The following FBLN7 variants were observed in gnomAD, a reference collection of about 807,000 sequenced individuals.
FBLN7 encodes fibulin 7.
FBLN7 carries 31 observed loss-of-function variants against 44.0 expected under a neutral mutation model. The ratio of observed to expected loss-of-function variants is 0.70; its 90% CI spans 0.53 to 0.95. FBLN7 has a LOEUF of 0.95. FBLN7 is among the 40% of genes least tolerant of loss of function. FBLN7 has a pLI of 0.00. For missense variants in FBLN7, 573 were observed against 618.5 expected (o/e 0.93, Z 0.78); for synonymous variants, 262 against 253.4 (o/e 1.03, Z -0.32).
intron 2 of FBLN7, among the ~76,000 whole-genome samples, chr2:112,162,174 C>T (rs1029300559): frequency 2.6e-5 from 4 of 152,084 alleles, no homozygotes; most frequent in African/African-American, 9.7e-5. Flanking sequence ...ACCACTGCAC[C>T]TGATTTTGAA....
chr2:112,151,462 T>C (rs1681157255), intron 1 of FBLN7: 1 of 152,136 alleles, frequency 6.6e-6, no homozygotes, highest in Admixed American at 6.5e-5. Flanking sequence ...TTTCGTAAAA[T>C]CTGTATTTCC....
chr2:112,214,785 A>G, the FBLN7 span: 1 of 152,240 alleles, frequency 6.6e-6, no homozygotes, highest in African/African-American at 2.4e-5. Flanking sequence ...TAACCCAGGT[A>G]GGAGAGACCC....
At chr2:112,216,051 A>C in the FBLN7 span, 3 of 152,092 alleles carry the variant, frequency 2.0e-5, no homozygotes, top group African/African-American at 7.2e-5. Flanking sequence ...AAGAGAACTA[A>C]CTCTGTTTTT....
At chr2:112,155,714 G>A (rs567662278) in intron 1 of FBLN7, among the ~76,000 whole-genome samples, 7 of 152,324 alleles carry the variant, frequency 4.6e-5, no homozygotes, top group South Asian at 2.1e-4. Flanking sequence ...AGCAGCTGGC[G>A]CCTGTTGCCC....
chr2:112,208,426 AAAAC>A, the FBLN7 span, among the ~76,000 whole-genome samples: 2 of 151,452 alleles, frequency 1.3e-5, no homozygotes, highest in African/African-American at 2.4e-5. Context: ...ACAAAACAAA[AAAAC>A]AAACAAACCA....
chr2:112,166,843 C>T (rs1210877641), intron 3 of FBLN7, among the ~76,000 whole-genome samples: 1 of 152,202 alleles, frequency 6.6e-6, no homozygotes, highest in Non-Finnish European at 1.5e-5. Context: ...TCCAGTGCCT[C>T]TGATAGCTGC....
chr2:112,160,399 C>T (rs1681696661), intron 2 of FBLN7, among the ~76,000 whole-genome samples: 1 of 152,174 alleles, frequency 6.6e-6, no homozygotes, highest in Non-Finnish European at 1.5e-5. Context: ...CACCCCTTTT[C>T]TTCTTCAGCC....
At chr2:112,207,286 G>GT in the FBLN7 span, among the ~76,000 whole-genome samples, 1 of 151,966 alleles carries the variant, frequency 6.6e-6, no homozygotes, top group African/African-American at 2.4e-5. Flanking sequence ...GGCCAACATG[G>GT]CAAAACCCTG....
chr2:112,231,618 T>G, the FBLN7 span, among the ~76,000 whole-genome samples: 1 of 152,188 alleles, frequency 6.6e-6, no homozygotes, highest in South Asian at 2.1e-4. Context: ...TTTACATCTT[T>G]CCAACTTAAA....
chr2:112,215,950 TTAA>T, the FBLN7 span: 8 of 152,300 alleles, frequency 5.3e-5, no homozygotes, highest in East Asian at 1.5e-3. Flanking sequence ...GGAAACTGGT[TTAA>T]AAAAATCATA....
chr2:112,178,023 G>A (rs539419454), intron 4 of FBLN7: 2 of 150,546 alleles, frequency 1.3e-5, no homozygotes, highest in East Asian at 3.9e-4. Flanking sequence ...AAAAAAAATA[G>A]CAGGGTGTGG....
At chr2:112,146,761 T>G (rs922965950) in intron 1 of FBLN7, among the ~76,000 whole-genome samples, 2 of 152,136 alleles carry the variant, frequency 1.3e-5, no homozygotes, top group African/African-American at 4.8e-5. Flanking sequence ...ATTAGAGCAG[T>G]TTTACTTCTT....
At chr2:112,177,202 C>T (rs1352736344) in intron 4 of FBLN7, 1 of 152,380 alleles carries the variant, frequency 6.6e-6, no homozygotes, top group Non-Finnish European at 1.5e-5. Flanking sequence ...TCCAAAAGTG[C>T]TGGGATTACA....
chr2:112,165,165 TG>T lies in FBLN7; in HGVS notation c.401del (p.Cys134LeufsTer19), dbSNP rs1682088649. 6.2e-7 allele frequency: 1 copy of T among 1,614,040 alleles called. No individual in the cohort carries two copies. ...CACCTGGACAGGGGAGCAGCCCCAC[TG>T]TAGAGGTATCGTCTCTCCTTCCCAT... ...NGTWTGEQPH[C>X]RGISECSSQP... On this transcript the variant is annotated frameshift_variant, in exon 3 of 8. Transcript: ENST00000331203. LOFTEE classifies it high-confidence loss of function.
At chr2:112,182,118 C>T in intron 5 of FBLN7, 1 of 532,938 alleles carries the variant, frequency 1.9e-6, no homozygotes, top group Non-Finnish European at 3.2e-6. Flanking sequence ...AAGCCACACG[C>T]GCTTGGTTCA....
intron 3 of FBLN7, among the ~76,000 whole-genome samples, chr2:112,171,815 T>C (rs1046313646): frequency 6.6e-5 from 10 of 152,188 alleles, no homozygotes; most frequent in African/African-American, 2.4e-4. Context: ...GGCACAATCT[T>C]GGCTCACTGC....
At chr2:112,140,226 C>T (rs1374537107) in intron 1 of FBLN7, among the ~76,000 whole-genome samples, 1 of 138,548 alleles carries the variant, frequency 7.2e-6, no homozygotes, top group Non-Finnish European at 1.6e-5. Flanking sequence ...CCTCTCTCCC[C>T]TGTCCCGCGC....
At chr2:112,217,359 T>A in the FBLN7 span, among the ~76,000 whole-genome samples, 1 of 151,522 alleles carries the variant, frequency 6.6e-6, no homozygotes, top group Non-Finnish European at 1.5e-5. Context: ...GGTGACTCCA[T>A]CTCAAAAAAA....
intron 2 of FBLN7, among the ~76,000 whole-genome samples, chr2:112,164,370 C>G (rs987778951): frequency 1.3e-5 from 2 of 152,188 alleles, no homozygotes; most frequent in African/African-American, 4.8e-5. Context: ...ATGGAGAGGA[C>G]TGACCGCATA....
Sources: gnomAD v4.1 joint callset for allele counts (sites outside exome capture counted in the v4.1 genomes callset) on GRCh38, gnomAD v4.1.1 for gene constraint, MANE v1.5 for transcripts, NCBI Gene and HGNC (gene_info 2026-07-23, HGNC 2026-07-21) for gene names.